The following PTPRN2 variants were observed in gnomAD, a reference collection of about 807,000 sequenced individuals.
PTPRN2 encodes the protein receptor-type tyrosine-protein phosphatase N2.
In PTPRN2, 74 loss-of-function variants were observed where a neutral mutation model predicts 118.8. That is an observed-to-expected ratio of 0.62 (90% CI 0.52 to 0.76). PTPRN2 has a LOEUF of 0.76. Among genes scored for constraint, PTPRN2 ranks in the 30% least tolerant of loss-of-function variants. PTPRN2 has a pLI of 0.00. For synonymous variants in PTPRN2, 641 were observed against 608.0 expected (o/e 1.05, Z -0.80); for missense variants, 1,481 against 1,394.4 (o/e 1.06, Z -0.99).
intron 2 of PTPRN2, among the ~76,000 whole-genome samples, chr7:158,372,967 G>A (rs1810201292): frequency 6.6e-6 from 1 of 151,692 alleles, no homozygotes; most frequent in African/African-American, 2.4e-5. Context: ...GGGCCACCTG[G>A]CCACTCTAGA....
rs188272328 is a variant in PTPRN2 at position 157,852,444 on chromosome 7, C to T, written c.1788+46229G>A. Reference sequence around the variant, plus strand: ...ATGCTTTCTAAGCCAAGTCTCCTACCCTCTAACAGACGACCATTTTTAAAT... The same window carrying T: ...ATGCTTTCTAAGCCAAGTCTCCTACTCTCTAACAGACGACCATTTTTAAAT... On this transcript the variant is annotated intron_variant, in intron 12 of 22. Coordinates refer to ENST00000389418, the MANE Select transcript of PTPRN2 (RefSeq NM_002847.5). 1.9e-3 allele frequency among the ~76,000 whole-genome samples: 297 copies of T among 152,310 alleles called. 2 individuals carry two copies. Among genetic ancestry groups the T allele is most frequent in the Non-Finnish European group, 3.5e-3 (241 of 68,028 alleles).
chr7:158,208,321 A>C (rs1827321131), intron 3 of PTPRN2, among the ~76,000 whole-genome samples: 1 of 152,228 alleles, frequency 6.6e-6, no homozygotes, highest in African/African-American at 2.4e-5. Flanking sequence ...AAACAGATTC[A>C]ACCCAAATAA....
chr7:158,388,354 C>A (rs1402751703), intron 2 of PTPRN2, among the ~76,000 whole-genome samples: 1 of 152,198 alleles, frequency 6.6e-6, no homozygotes, highest in Non-Finnish European at 1.5e-5. Context: ...GATGGACAGC[C>A]AGGCCACCTG....
chr7:157,999,367 C>T (rs934254267), intron 11 of PTPRN2, among the ~76,000 whole-genome samples: 9 of 152,194 alleles, frequency 5.9e-5, no homozygotes, highest in African/African-American at 2.2e-4. Flanking sequence ...GCACCGTGTG[C>T]TGCCCGAATT....
At chr7:158,053,727 T>A (rs563653187) in intron 11 of PTPRN2, among the ~76,000 whole-genome samples, 3 of 147,898 alleles carry the variant, frequency 2.0e-5, no homozygotes, top group African/African-American at 5.0e-5. Flanking sequence ...ACCCCAGAGA[T>A]GCAGAGACCC....
At chr7:157,908,229 T>G (rs959500732) in intron 11 of PTPRN2, among the ~76,000 whole-genome samples, 2 of 152,122 alleles carry the variant, frequency 1.3e-5, no homozygotes, top group Non-Finnish European at 2.9e-5. Flanking sequence ...TGGGAGGGGC[T>G]GCACAGGCCG....
intron 2 of PTPRN2, among the ~76,000 whole-genome samples, chr7:158,466,916 C>A (rs755092512): frequency 6.6e-6 from 1 of 152,324 alleles, no homozygotes; most frequent in Admixed American, 6.5e-5. Flanking sequence ...TGGCACATGT[C>A]TGTAATCCCA....
chr7:157,710,871 G>A (rs1465550124), intron 12 of PTPRN2, among the ~76,000 whole-genome samples: 2 of 19,796 alleles, frequency 1.0e-4, no homozygotes, highest in African/African-American at 4.0e-4. Flanking sequence ...GAGGTTCCGG[G>A]GCAGCCGGGT....
intron 12 of PTPRN2, among the ~76,000 whole-genome samples, chr7:157,758,349 T>C (rs1198446612): frequency 6.6e-6 from 1 of 152,206 alleles, no homozygotes; most frequent in African/African-American, 2.4e-5. Flanking sequence ...TTCAGTGAAG[T>C]TGCACAGCAG....
At chr7:157,556,927 T>C (rs941719610) in intron 21 of PTPRN2, among the ~76,000 whole-genome samples, 1 of 148,922 alleles carries the variant, frequency 6.7e-6, no homozygotes, top group African/African-American at 2.5e-5. Context: ...GGAATGCACA[T>C]GCCCACATGA....
At chr7:157,793,527 C>A (rs557485840) in intron 12 of PTPRN2, among the ~76,000 whole-genome samples, 3 of 139,542 alleles carry the variant, frequency 2.1e-5, no homozygotes, top group East Asian at 5.0e-4. Context: ...GGGGCAAGGG[C>A]GGGGCGTGGT....
At chr7:158,558,505 C>T (rs1003420907) in intron 1 of PTPRN2, among the ~76,000 whole-genome samples, 4 of 152,074 alleles carry the variant, frequency 2.6e-5, no homozygotes, top group South Asian at 2.1e-4. Context: ...CAGTTGGTCC[C>T]AGGGACATGA....
At position 157,539,667 on chromosome 7, in the gene PTPRN2, A is replaced by C. The variant is rs1797920162; in HGVS notation, c.*1047T>G. The C allele has an allele frequency of 1.3e-5, 2 of 151,326 alleles. No individual in the cohort carries two copies. Among genetic ancestry groups the C allele is most frequent in the African/African-American group, 2.5e-5 (1 of 40,650 alleles). 9.4% of individuals were successfully genotyped at this position (151,326 alleles called of 1,614,324 possible). A position where few individuals can be genotyped will look rare whatever the true frequency, so the allele number is the denominator to read the frequency against. On this transcript the variant is annotated 3_prime_UTR_variant, in exon 23 of 23. Coordinates refer to ENST00000389418, the MANE Select transcript of PTPRN2 (RefSeq NM_002847.5). ...TCGGCTGGTTTCTCACTTCCCTTCC[A>C]GGCTCTACGCAGTGCGTGCAGGTCG...
In PTPRN2 at chr7:158,089,983, AC is replaced by A. The variant is rs377458858; in HGVS notation, c.1644-8607del. On this transcript the variant is annotated intron_variant, in intron 10 of 22. Transcript: ENST00000389418. The stretch of plus-strand genomic sequence containing the variant: ...GACGAAAGAGGGAGTCTTCACACAA[AC>A]CCTTCCTCCCCTGACGAAAGAGGGA... Among the ~76,000 whole-genome samples, 19 of 37,538 alleles carry A rather than the reference AC, an allele frequency of 5.1e-4. 2 individuals are homozygous for A. The highest frequency in any genetic ancestry group is 8.6e-4 in the African/African-American group (17 of 19,706). 24.6% of individuals were successfully genotyped at this position (37,538 alleles called of 152,430 possible). A position where few individuals can be genotyped will look rare whatever the true frequency, so the allele number is the denominator to read the frequency against.
chr7:158,087,290 G>C (rs924129287), intron 10 of PTPRN2, among the ~76,000 whole-genome samples: 1 of 152,224 alleles, frequency 6.6e-6, no homozygotes, highest in African/African-American at 2.4e-5. Context: ...TTGATACAAG[G>C]GAGGGGACTG....
chr7:157,659,790 G>C (rs1399823660), intron 13 of PTPRN2, among the ~76,000 whole-genome samples: 1 of 151,790 alleles, frequency 6.6e-6, no homozygotes, highest in East Asian at 1.9e-4. Context: ...TGTCTCCCAG[G>C]CTGGAGTGGA....
intron 12 of PTPRN2, among the ~76,000 whole-genome samples, chr7:157,756,694 G>T (rs1406337883): frequency 6.6e-6 from 1 of 152,064 alleles, no homozygotes; most frequent in East Asian, 1.9e-4. Context: ...GGCATGAGAA[G>T]CTGCTAGCGT....
At chr7:158,184,705 G>A (rs940862092) in intron 5 of PTPRN2, among the ~76,000 whole-genome samples, 6 of 152,036 alleles carry the variant, frequency 3.9e-5, no homozygotes, top group African/African-American at 9.7e-5. Context: ...CCAGCTACTC[G>A]GGAGGCTGAG....
chr7:158,547,844 G>A (rs986668498), intron 1 of PTPRN2, among the ~76,000 whole-genome samples: 37 of 152,216 alleles, frequency 2.4e-4, no homozygotes, highest in African/African-American at 8.4e-4. Context: ...TCAAGGCAAC[G>A]CTTCTCAAGG....
Sources: allele counts gnomAD v4.1 joint callset (sites outside exome capture counted in the v4.1 genomes callset), GRCh38; gene constraint gnomAD v4.1.1; transcripts MANE v1.5; gene names NCBI Gene and HGNC (gene_info 2026-07-23, HGNC 2026-07-21).